USP34: variants seen among roughly 807,000 people sequenced by gnomAD.
The protein encoded by USP34 is ubiquitin specific peptidase 34.
A neutral mutation model predicts 460.3 loss-of-function variants in USP34; 70 were observed. That is an observed-to-expected ratio of 0.15 (90% CI 0.13 to 0.19). The LOEUF (loss-of-function observed/expected upper bound fraction) is 0.19. Among genes scored for constraint, USP34 ranks in the 10% least tolerant of loss-of-function variants. The pLI is 1.00. For synonymous variants in USP34, 1,647 were observed against 1,405.3 expected, an observed-to-expected ratio of 1.17 and a Z score of -3.85; for missense variants, 3,985 against 4,236.2, an observed-to-expected ratio of 0.94 and a Z score of 1.65.
At chr2:61,286,378 C>T (rs1449988711) in intron 34 of USP34, among the ~76,000 whole-genome samples, 1 of 151,916 alleles carries the variant, frequency 6.6e-6, no homozygotes, top group Non-Finnish European at 1.5e-5. Flanking sequence ...AACATTGGCC[C>T]AGAGCGGTGG....
rs373235018 is a variant in USP34, at chr2:61,236,172, T to C, written c.6907A>G (p.Met2303Val). 1.8e-5 allele frequency: 29 copies of C among 1,610,300 alleles called. No individual in the cohort carries two copies. The highest frequency in any genetic ancestry group is 2.5e-5 in the Non-Finnish European group (29 of 1,178,746). The change falls in exon 55 of 80, where the codon ATG (methionine) becomes GTG (valine). Residue 2303 changes from methionine to valine, a missense_variant. Met to Val is a conservative substitution (Grantham distance 21). Coordinates refer to ENST00000398571, the MANE Select transcript of USP34 (RefSeq NM_014709.4). ...CATATATTTATTACCTTTGCTGTCA[T>C]TAAGGACACAGCTTTAGGATCTGGT... ...TLPDPKAVSL[M>V]TAKLSTSFVL... is the part of the protein sequence containing the mutation.
chr2:61,426,845 G>C (rs534597072), intron 1 of USP34, among the ~76,000 whole-genome samples: 1 of 152,322 alleles, frequency 6.6e-6, no homozygotes, highest in African/African-American at 2.4e-5. Flanking sequence ...CCCAGCTTTA[G>C]GTGGCTCAGG....
At chr2:61,311,718 T>A in intron 26 of USP34, 31 bp from the exon 27 acceptor site, 1 of 1,607,646 alleles carries the variant, frequency 6.2e-7, no homozygotes, top group Non-Finnish European at 8.5e-7. Flanking sequence ...AATTTAAAAA[T>A]ACAAAAAGAA....
chr2:61,337,767 A>C (rs1691468220), intron 18 of USP34, among the ~76,000 whole-genome samples: 1 of 152,058 alleles, frequency 6.6e-6, no homozygotes, highest in African/African-American at 2.4e-5. Context: ...AGTTATTTTC[A>C]ATAGGGCTGC....
chr2:61,375,398 T>C (rs906795651), intron 8 of USP34, among the ~76,000 whole-genome samples: 1 of 152,162 alleles, frequency 6.6e-6, no homozygotes, highest in Non-Finnish European at 1.5e-5. Flanking sequence ...CCTAAGTATC[T>C]ACCATGAAAA....
rs536508427 is a variant in USP34, at chr2:61,367,977, G to A, written c.1251+2344C>T. Among the ~76,000 whole-genome samples the A allele has an allele frequency of 2.8e-3, 422 of 152,210 alleles. 1 individual carries two copies. The highest frequency in any genetic ancestry group is 9.5e-3 in the African/African-American group (393 of 41,550). Reference sequence around the variant, plus strand: ...CTCAGGCATTTAAAAATATTACAAAGAGGCAAGTAAAAATAAAGAAAAAAA... The same window carrying A: ...CTCAGGCATTTAAAAATATTACAAAAAGGCAAGTAAAAATAAAGAAAAAAA... On this transcript the variant is annotated intron_variant, in intron 10 of 79. Coordinates refer to ENST00000398571, the MANE Select transcript of USP34 (RefSeq NM_014709.4).
chr2:61,308,891 A>C (rs1690496033), intron 27 of USP34, among the ~76,000 whole-genome samples: 1 of 152,020 alleles, frequency 6.6e-6, no homozygotes, highest in Non-Finnish European at 1.5e-5. Context: ...AAATACAAAA[A>C]ATTACCCAGG....
chr2:61,258,668 G>A (rs554027342), intron 44 of USP34, among the ~76,000 whole-genome samples: 19 of 152,308 alleles, frequency 1.2e-4, no homozygotes, highest in South Asian at 6.2e-4. Context: ...GAGGGTGTGT[G>A]CCATGGTGAT....
intron 5 of USP34, among the ~76,000 whole-genome samples, chr2:61,384,219 C>A (rs1418805386): frequency 6.6e-6 from 1 of 152,098 alleles, no homozygotes; most frequent in Non-Finnish European, 1.5e-5. Flanking sequence ...AAATATATTT[C>A]CTCATTTTTT....
At chr2:61,439,823 C>T (rs1274000891) in intron 1 of USP34, among the ~76,000 whole-genome samples, 2 of 152,190 alleles carry the variant, frequency 1.3e-5, no homozygotes, top group African/African-American at 4.8e-5. Flanking sequence ...GGGTCACACA[C>T]AGCTGGGTGG....
chr2:61,341,065 A>C (rs1350458574), intron 16 of USP34, among the ~76,000 whole-genome samples: 1 of 152,156 alleles, frequency 6.6e-6, no homozygotes, highest in African/African-American at 2.4e-5. Flanking sequence ...TGACTGTTCT[A>C]GAACTGCACA....
rs1331887245 is a variant in USP34 at position 61,385,689 on chromosome 2, A to G, written c.754-2353T>C. ...TCTGTCTCAAAAAAAAAAAAAAAAA[A>G]AAAAAGAAATACGACAAGGAGAAGC... On this transcript the variant is annotated intron_variant, in intron 5 of 79. Coordinates refer to ENST00000398571, the MANE Select transcript of USP34 (RefSeq NM_014709.4). Among the ~76,000 whole-genome samples the G allele has an allele frequency of 6.0e-5, 9 of 149,010 alleles. No homozygotes were observed. The East Asian group carries it at 1.2e-3, about 20-fold the overall frequency.
chr2:61,236,002 A>G (rs1486453010), intron 56 of USP34, 24 bp downstream of exon 56: 1 of 1,602,926 alleles, frequency 6.2e-7, no homozygotes, highest in Non-Finnish European at 8.5e-7. Flanking sequence ...AATGACAAAA[A>G]AATCCATAGT....
rs200812795 is a variant in USP34, at chr2:61,188,262, T to C, written c.10481A>G (p.Gln3494Arg). 6.3e-5 allele frequency: 101 copies of C among 1,614,092 alleles called. No individual in the cohort carries two copies. The African/African-American group carries it at 1.3e-3, about 21-fold the overall frequency. The change falls in exon 80 of 80, where the codon CAG becomes CGG. Residue 3494 changes from glutamine (Q) to arginine (R), a missense_variant. Transcript: ENST00000398571. ...RSCDGQALPS[Q>R]DPEVALSLSC... is the part of the protein sequence containing the mutation. ...GAGAGATAAAGCAACCTCAGGGTCC[T>C]GGGAGGGCAAAGCTTGGCCATCACA...
chr2:61,357,913 G>A (rs747886270), intron 10 of USP34, among the ~76,000 whole-genome samples: 43 of 152,124 alleles, frequency 2.8e-4, no homozygotes, highest in Non-Finnish European at 5.1e-4. Context: ...AGAATGGGCC[G>A]GGCGTGGTGG....
chr2:61,444,238 C>G (rs1035816841), intron 1 of USP34, among the ~76,000 whole-genome samples: 2 of 151,990 alleles, frequency 1.3e-5, no homozygotes, highest in African/African-American at 4.8e-5. Flanking sequence ...CAGAGCAAAA[C>G]CCTGTCCCAA....
chr2:61,278,005 G>A, intron 41 of USP34, 160 bp downstream of exon 41: 1 of 951,424 alleles, frequency 1.1e-6, no homozygotes, highest in East Asian at 2.8e-5. Flanking sequence ...GGCCTCCCCA[G>A]CCACATGGAA....
intron 75 of USP34, among the ~76,000 whole-genome samples, chr2:61,199,249 T>C (rs1436624740): frequency 6.6e-6 from 1 of 152,120 alleles, no homozygotes; most frequent in East Asian, 1.9e-4. Flanking sequence ...ATGATTTTTT[T>C]CACAATTAAG....
chr2:61,345,439 G>A (rs181141744), intron 15 of USP34, among the ~76,000 whole-genome samples: 2 of 152,260 alleles, frequency 1.3e-5, no homozygotes, highest in East Asian at 1.9e-4. Flanking sequence ...CATTCTGGAA[G>A]ATCTGGCAAA....
Sources: allele counts gnomAD v4.1 joint callset (sites outside exome capture counted in the v4.1 genomes callset), GRCh38; gene constraint gnomAD v4.1.1; transcripts MANE v1.5; gene names NCBI Gene and HGNC (gene_info 2026-07-23, HGNC 2026-07-21).